MICAL3: variants seen among roughly 807,000 people sequenced by gnomAD.
MICAL3 encodes the protein [F-actin]-monooxygenase MICAL3.
A neutral mutation model predicts 207.4 loss-of-function variants in MICAL3; 62 were observed. The ratio of observed to expected loss-of-function variants is 0.30; its 90% CI spans 0.24 to 0.37. The LOEUF is 0.37. Among genes scored for constraint, MICAL3 ranks in the 10% least tolerant of loss-of-function variants. MICAL3 has a pLI of 1.00. For missense variants in MICAL3, 2,368 were observed against 2,635.6 expected (o/e 0.90, Z 2.22); for synonymous variants, 1,077 against 1,069.3 (o/e 1.01, Z -0.14).
intron 19 of MICAL3, among the ~76,000 whole-genome samples, chr22:17,851,853 T>G (rs986244795): frequency 6.6e-6 from 1 of 152,132 alleles, no homozygotes; most frequent in Non-Finnish European, 1.5e-5. Context: ...CACTTCACGG[T>G]AGAGAGGAGT....
rs71184751 is a variant in MICAL3, at chr22:17,967,463, AACACACACAC to A, written c.-75+56808_-75+56817del. On this transcript the variant is annotated intron_variant, in intron 1 of 31. Coordinates refer to ENST00000441493, the MANE Select transcript of MICAL3 (RefSeq NM_015241.3). ...TTGGCCACTGGGCAGTGTACATGCA[AACACACACAC>A]ACACACACACACACACACACCCACA... 6.7e-3 allele frequency among the ~76,000 whole-genome samples: 845 copies of A among 126,130 alleles called. 3 individuals carry two copies. Among genetic ancestry groups the A allele is most frequent in the Non-Finnish European group, 0.011 (620 of 56,946 alleles). 82.7% of individuals were successfully genotyped at this position (126,130 alleles called of 152,430 possible). A position where few individuals can be genotyped will look rare whatever the true frequency, so the allele number is the denominator to read the frequency against.
chr22:17,841,128 G>A lies in MICAL3; in HGVS notation c.2801+694C>T, dbSNP rs1923963324. The A allele has an allele frequency of 6.6e-6, 1 of 152,528 alleles. No homozygotes were observed. The highest frequency in any genetic ancestry group is 1.5e-5 in the Non-Finnish European group (1 of 68,302). 9.4% of individuals were successfully genotyped at this position (152,528 alleles called of 1,614,324 possible). ...TCTGCCCCTCGGGTTTGCAGCCTGT[G>A]TTTCTGTCCTGAAGCCCCACAGGAC... On this transcript the variant is annotated intron_variant, in intron 20 of 31. Transcript: ENST00000441493. The surrounding 1 kb of genome is among the most constrained non-coding windows in gnomAD (Gnocchi z 4.2).
At chr22:17,891,225 T>C (rs1487687068) in intron 12 of MICAL3, among the ~76,000 whole-genome samples, 3 of 151,786 alleles carry the variant, frequency 2.0e-5, no homozygotes, top group Non-Finnish European at 4.4e-5. Context: ...CTTATGAGTG[T>C]TGTGATTTTT....
chr22:17,988,569 C>T (rs1921296208), intron 1 of MICAL3, among the ~76,000 whole-genome samples: 1 of 152,238 alleles, frequency 6.6e-6, no homozygotes, highest in African/African-American at 2.4e-5. Context: ...GTTCTCCTGC[C>T]TCAGCCTCCC....
In MICAL3 at chr22:17,827,685, TC is replaced by T; in HGVS notation, c.3151del (p.Glu1051LysfsTer22). ...CTCAGAGGCCGGCGCCATCCTCTCTTCCTCCTCTCTCTCACGGATATGAGTC... is the reference window on the plus strand; with the variant it reads ...CTCAGAGGCCGGCGCCATCCTCTCTTCTCCTCTCTCTCACGGATATGAGTC... ...HWTHIREREE[E>X]ERMAPASESS... is the part of the protein sequence containing the mutation. On this transcript the variant is annotated frameshift_variant, in exon 22 of 32. Transcript: ENST00000441493. LOFTEE classifies it high-confidence loss of function. 1 of 1,582,946 alleles carries T rather than the reference TC, an allele frequency of 6.3e-7. No individual in the cohort carries two copies. The highest frequency in any genetic ancestry group is 8.6e-7 in the Non-Finnish European group (1 of 1,164,642).
chr22:17,858,469 T>C, intron 19 of MICAL3: 1 of 985,326 alleles, frequency 1.0e-6, no homozygotes, highest in Non-Finnish European at 1.2e-6. Context: ...CGGAAAGACT[T>C]CTCCTGAAAT....
rs1234758618 is a variant in MICAL3, at chr22:17,817,784, G to C, written c.4877C>G (p.Ala1626Gly). The C allele has an allele frequency of 1.2e-6, 2 of 1,603,102 alleles. No individual in the cohort carries two copies. The highest frequency in any genetic ancestry group is 1.7e-5 in the Admixed American group (1 of 59,456). ...QLSRMQQMEL[A>G]SGAPRPRKAS... ...CTTGCGGGGCCTGGGGGCGCCTGAGGCCAGCTCCATCTGCTGCATCCTGCT... is the reference window on the plus strand; with the variant it reads ...CTTGCGGGGCCTGGGGGCGCCTGAGCCCAGCTCCATCTGCTGCATCCTGCT... The change falls in exon 26 of 32, where the codon GCC becomes GGC. Residue 1626 changes from alanine to glycine, a missense_variant. By Grantham distance (60) the Ala-to-Gly change is moderately conservative. This residue lies in a region of MICAL3 where 1,770 missense variants were observed against 1,863.2 expected (regional missense o/e 0.95). Transcript: ENST00000441493.
intron 19 of MICAL3, 197 bp downstream of exon 19, chr22:17,864,702 C>T (rs1926881805): frequency 6.2e-7 from 1 of 1,612,382 alleles, no homozygotes; most frequent in African/African-American, 1.3e-5. Context: ...TTTGCACCAG[C>T]ACCTCCGACA....
intron 16 of MICAL3, chr22:17,876,784 G>GGGAGGTTAGGGAAGTTATGGAGGTTAT (rs1928454319): frequency 1.1e-4 from 6 of 55,622 alleles, no homozygotes; most frequent in African/African-American, 3.9e-4. Flanking sequence ...ATGGAGGTTA[G>GGGAGGTTAGGGAAGTTATGGAGGTTAT]GGAGGTTAGG....
At chr22:17,903,953 G>A (rs927935022) in intron 3 of MICAL3, among the ~76,000 whole-genome samples, 1 of 152,218 alleles carries the variant, frequency 6.6e-6, no homozygotes, top group African/African-American at 2.4e-5. Flanking sequence ...GAATTGCTTT[G>A]CTGGCCACTT....
chr22:17,976,557 GTGTGTA>G (rs1416247211), intron 1 of MICAL3, among the ~76,000 whole-genome samples: 278 of 81,044 alleles, frequency 3.4e-3, no homozygotes, highest in East Asian at 5.3e-3. Flanking sequence ...GTGTGTGTGT[GTGTGTA>G]TATATATATA....
In MICAL3 at chr22:17,916,661, C is replaced by T. The variant is rs1017608984; in HGVS notation, c.-74-9775G>A. ...CTGCAGCACAAGTCACAGCTCACTA[C>T]CGTCTGCCCCCCCACAACCCCACCG... On this transcript the variant is annotated intron_variant, in intron 1 of 31. Transcript: ENST00000441493. Among the ~76,000 whole-genome samples the T allele has an allele frequency of 8.5e-5, 13 of 152,126 alleles. 1 individual carries two copies. The highest frequency in any genetic ancestry group is 3.1e-4 in the African/African-American group (13 of 41,406).
intron 1 of MICAL3, among the ~76,000 whole-genome samples, chr22:17,929,848 G>GT (rs1056968018): frequency 2.0e-5 from 3 of 152,124 alleles, no homozygotes; most frequent in African/African-American, 7.2e-5. Context: ...GATTACAGGC[G>GT]TGAGCCACTG....
chr22:17,975,304 G>A (rs1935584890), intron 1 of MICAL3, among the ~76,000 whole-genome samples: 1 of 152,050 alleles, frequency 6.6e-6, no homozygotes, highest in Non-Finnish European at 1.5e-5. Context: ...AATTACACTT[G>A]CTAGAAAGTC....
At chr22:17,821,250 C>G (rs1413660926) in intron 25 of MICAL3, among the ~76,000 whole-genome samples, 177 bp downstream of exon 25, 1 of 151,958 alleles carries the variant, frequency 6.6e-6, no homozygotes, top group Non-Finnish European at 1.5e-5. Context: ...TCAACAGCTC[C>G]ACTTAGTACA....
At chr22:17,990,854 A>G (rs1455869465) in intron 1 of MICAL3, among the ~76,000 whole-genome samples, 1 of 152,154 alleles carries the variant, frequency 6.6e-6, no homozygotes, top group Admixed American at 6.5e-5. Context: ...CACTTTTCCC[A>G]TATCCCAATA....
At chr22:17,859,460 G>A (rs538835848) in intron 19 of MICAL3, among the ~76,000 whole-genome samples, 2 of 152,316 alleles carry the variant, frequency 1.3e-5, no homozygotes, top group South Asian at 2.1e-4. Flanking sequence ...GACAAAATGC[G>A]GGAACAGTGC....
At chr22:17,877,351 G>T (rs796975099) in intron 16 of MICAL3, among the ~76,000 whole-genome samples, 295 of 23,830 alleles carry the variant, frequency 0.012, no homozygotes, top group Middle Eastern at 0.038. Context: ...AGGGAGGTTA[G>T]GGAGGTTATG....
intron 1 of MICAL3, among the ~76,000 whole-genome samples, chr22:18,003,175 A>AG (rs1339737342): frequency 1.3e-5 from 2 of 151,782 alleles, no homozygotes; most frequent in African/African-American, 4.8e-5. Flanking sequence ...AAAAAAAAAA[A>AG]GAACTTTAGT....
Sources: allele counts gnomAD v4.1 joint callset (sites outside exome capture counted in the v4.1 genomes callset), GRCh38; gene constraint gnomAD v4.1.1; regional missense constraint gnomAD v4.1.1; non-coding constraint Gnocchi (gnomAD v3.1); transcripts MANE v1.5; gene names NCBI Gene and HGNC (gene_info 2026-07-23, HGNC 2026-07-21).